The following BANK1 variants were observed in gnomAD, a reference collection of about 807,000 sequenced individuals.
The protein encoded by BANK1 is B cell scaffold protein with ankyrin repeats 1, also known as B-cell scaffold protein with ankyrin repeats.
BANK1 carries 95 observed loss-of-function variants against 94.5 expected under a neutral mutation model. The ratio of observed to expected loss-of-function variants is 1.00; its 90% CI spans 0.85 to 1.19. The LOEUF (loss-of-function observed/expected upper bound fraction) is 1.19. Ranked by LOEUF, BANK1 falls within the 50% of genes most tolerant of loss-of-function variation. The pLI is 0.00. For synonymous variants in BANK1, 334 were observed against 308.4 expected, an observed-to-expected ratio of 1.08 and a Z score of -0.87; for missense variants, 987 against 932.2, an observed-to-expected ratio of 1.06 and a Z score of -0.77.
At chr4:101,878,814 C>T (rs946345914) in intron 5 of BANK1, among the ~76,000 whole-genome samples, 10 of 151,988 alleles carry the variant, frequency 6.6e-5, no homozygotes, top group Non-Finnish European at 7.4e-5. Flanking sequence ...TGAAAACTTA[C>T]AAATACATGG....
At chr4:102,055,302 A>G (rs1052457921) in intron 11 of BANK1, among the ~76,000 whole-genome samples, 1 of 152,054 alleles carries the variant, frequency 6.6e-6, no homozygotes, top group Non-Finnish European at 1.5e-5. Context: ...TTGATGAAAA[A>G]GACAAAATTA....
chr4:101,791,100 G>A, intron 1 of BANK1, 150 bp downstream of exon 1: 1 of 681,540 alleles, frequency 1.5e-6, no homozygotes, highest in Non-Finnish European at 2.3e-6. Context: ...CTGCCGCCAG[G>A]CAGCCCAGAG....
intron 13 of BANK1, among the ~76,000 whole-genome samples, chr4:102,064,880 A>G (rs1381703244): frequency 6.6e-6 from 1 of 152,212 alleles, no homozygotes; most frequent in Non-Finnish European, 1.5e-5. Flanking sequence ...GAAGACAGAG[A>G]TCTTAGTTCA....
At chr4:102,050,388 A>G (rs1282312258) in intron 11 of BANK1, among the ~76,000 whole-genome samples, 1 of 152,220 alleles carries the variant, frequency 6.6e-6, no homozygotes, top group East Asian at 1.9e-4. Context: ...AGATGAGCAT[A>G]AGAATTATTT....
intron 1 of BANK1, among the ~76,000 whole-genome samples, chr4:101,828,022 T>C (rs1726430788): frequency 6.6e-6 from 1 of 151,880 alleles, no homozygotes; most frequent in Non-Finnish European, 1.5e-5. Flanking sequence ...TGTCATTAAT[T>C]AATCAATTTT....
At chr4:101,957,024 G>A (rs766239786) in intron 7 of BANK1, among the ~76,000 whole-genome samples, 53 of 152,018 alleles carry the variant, frequency 3.5e-4, no homozygotes, top group African/African-American at 1.2e-3. Context: ...AAGTTCCTAC[G>A]ACCATTTTTA....
intron 7 of BANK1, among the ~76,000 whole-genome samples, chr4:101,962,002 A>G (rs1052658620): frequency 4.7e-4 from 71 of 152,210 alleles, no homozygotes; most frequent in African/African-American, 1.7e-3. Context: ...ATTTCAGTTC[A>G]TTTTTTTCGT....
At chr4:101,807,928 A>C (rs1725614129) in intron 1 of BANK1, among the ~76,000 whole-genome samples, 1 of 151,946 alleles carries the variant, frequency 6.6e-6, no homozygotes. Flanking sequence ...TAAAAATAAA[A>C]AAAAAAATTA....
At chr4:101,984,625 T>G (rs759769269) in intron 7 of BANK1, among the ~76,000 whole-genome samples, 2 of 152,068 alleles carry the variant, frequency 1.3e-5, no homozygotes, top group Non-Finnish European at 2.9e-5. Context: ...GGAACCAACT[T>G]AATTAAAGAC....
At chr4:102,041,426 T>G (rs1454067306) in intron 10 of BANK1, among the ~76,000 whole-genome samples, 1 of 152,040 alleles carries the variant, frequency 6.6e-6, no homozygotes. Flanking sequence ...TGCCTCATAT[T>G]TAAAAATACC....
At chr4:101,997,574 T>G (rs1725923523) in intron 7 of BANK1, among the ~76,000 whole-genome samples, 1 of 152,180 alleles carries the variant, frequency 6.6e-6, no homozygotes, top group Admixed American at 6.5e-5. Context: ...ATTGTTAGGC[T>G]ATTAATTACT....
intron 1 of BANK1, among the ~76,000 whole-genome samples, chr4:101,823,249 TA>T (rs1215882410): frequency 6.6e-6 from 1 of 152,200 alleles, no homozygotes; most frequent in Non-Finnish European, 1.5e-5. Context: ...TATGACTTGA[TA>T]AAAAATATAT....
chr4:101,973,856 T>A (rs943498926), intron 7 of BANK1, among the ~76,000 whole-genome samples: 1 of 152,110 alleles, frequency 6.6e-6, no homozygotes, highest in African/African-American at 2.4e-5. Context: ...TTTTTTTAAA[T>A]GGCAAAATTG....
chr4:101,881,036 G>A (rs188652012), intron 5 of BANK1, among the ~76,000 whole-genome samples: 24 of 151,964 alleles, frequency 1.6e-4, no homozygotes, highest in Admixed American at 1.1e-3. Flanking sequence ...ACAAATATCC[G>A]ACAAGCACAG....
intron 5 of BANK1, among the ~76,000 whole-genome samples, chr4:101,876,058 C>G (rs1445037060): frequency 6.6e-6 from 1 of 152,130 alleles, no homozygotes; most frequent in Non-Finnish European, 1.5e-5. Context: ...ATATAGGATA[C>G]CAGCTCAGCC....
chr4:101,889,255 T>A (rs6825305), intron 5 of BANK1, among the ~76,000 whole-genome samples: 6 of 152,178 alleles, frequency 3.9e-5, no homozygotes, highest in African/African-American at 1.4e-4. Flanking sequence ...TGTATTGATA[T>A]CTTTTTTTTC....
At chr4:102,068,609 C>T (rs985172936) in intron 13 of BANK1, among the ~76,000 whole-genome samples, 5 of 152,024 alleles carry the variant, frequency 3.3e-5, no homozygotes, top group Non-Finnish European at 7.4e-5. Flanking sequence ...GGTGGATCAC[C>T]TGAGGTCAAG....
chr4:101,883,113 A>G (rs1284418203), intron 5 of BANK1, among the ~76,000 whole-genome samples: 6 of 152,210 alleles, frequency 3.9e-5, no homozygotes, highest in Admixed American at 3.3e-4. Context: ...TACTGATAAC[A>G]TAAGTGACAT....
rs561600673 is a variant in BANK1, at chr4:101,986,976, C to A, written c.1207-34538C>A. ...TATTTTTTAAGTTAAGTAACCTCAA[C>A]TTGTCTAGAAAGAACAAAAGAAAAA... On this transcript the variant is annotated intron_variant, in intron 7 of 16. Transcript: ENST00000322953. 3.9e-3 allele frequency among the ~76,000 whole-genome samples: 319 copies of A among 81,142 alleles called. 1 individual carries two copies. Among genetic ancestry groups the A allele is most frequent in the Non-Finnish European group, 6.0e-3 (242 of 40,498 alleles). The allele number at this position is 81,142 out of a possible 152,430, so 53.2% of individuals were successfully genotyped here.
Sources: gnomAD v4.1 joint callset for allele counts (sites outside exome capture counted in the v4.1 genomes callset) on GRCh38, gnomAD v4.1.1 for gene constraint, MANE v1.5 for transcripts, NCBI Gene and HGNC (gene_info 2026-07-23, HGNC 2026-07-21) for gene names.